Variants in POC1B observed in about 807,000 individuals in gnomAD.
POC1B encodes POC1 centriolar protein homolog B.
In POC1B, 44 loss-of-function variants were observed where a neutral mutation model predicts 60.6. The ratio of observed to expected loss-of-function variants is 0.73; its 90% confidence interval spans 0.57 to 0.93. POC1B has a LOEUF of 0.93. POC1B is among the 40% of genes least tolerant of loss of function. POC1B has a pLI of 0.00. For missense variants in POC1B, 555 were observed against 572.3 expected, an observed-to-expected ratio of 0.97 and a Z score of 0.31; for synonymous variants, 180 against 198.9, an observed-to-expected ratio of 0.90 and a Z score of 0.80.
chr12:89,519,773 T>C (rs902557021), intron 2 of POC1B: 1 of 149,312 alleles, frequency 6.7e-6, no homozygotes, highest in Non-Finnish European at 1.5e-5. Context: ...ACAAGTTATT[T>C]TGAGTTATAG....
intron 10 of POC1B, among the ~76,000 whole-genome samples, chr12:89,437,829 C>T (rs1355519071): frequency 1.3e-5 from 2 of 150,670 alleles, no homozygotes; most frequent in African/African-American, 4.9e-5. Flanking sequence ...GGGTGGATCA[C>T]CTGAGGTCAG....
At chr12:89,523,742 T>C in intron 2 of POC1B, 2 of 1,544,032 alleles carry the variant, frequency 1.3e-6, no homozygotes, top group South Asian at 1.3e-5. Context: ...GGCTCCCCTA[T>C]CTGCATATAG....
At chr12:89,468,927 G>A (rs528344271) in intron 7 of POC1B, among the ~76,000 whole-genome samples, 1 of 152,118 alleles carries the variant, frequency 6.6e-6, no homozygotes, top group South Asian at 2.1e-4. Context: ...ATTCAGAGAA[G>A]TTTGAATATT....
At chr12:89,524,437 G>C (rs1234600468) in intron 2 of POC1B, 1 of 1,613,930 alleles carries the variant, frequency 6.2e-7, no homozygotes, top group African/African-American at 1.3e-5. Context: ...GGCACGGCCG[G>C]CTCCTGCGGA....
chr12:89,452,601 G>A (rs1440050129), intron 10 of POC1B, among the ~76,000 whole-genome samples: 3 of 151,898 alleles, frequency 2.0e-5, no homozygotes, highest in Non-Finnish European at 2.9e-5. Flanking sequence ...AACTTAAAGA[G>A]AAAGAAGGTC....
intron 1 of POC1B, 119 bp from the exon 2 acceptor site, chr12:89,525,323 T>TG: frequency 6.9e-7 from 1 of 1,450,756 alleles, no homozygotes; most frequent in Non-Finnish European, 9.1e-7. Flanking sequence ...GGCGGCGGCT[T>TG]GGCTGGGCGG....
intron 4 of POC1B, among the ~76,000 whole-genome samples, chr12:89,475,022 T>C (rs1028724474): frequency 2.0e-5 from 3 of 152,286 alleles, no homozygotes; most frequent in East Asian, 1.9e-4. Context: ...AGTAGGAATA[T>C]AGCTGTGAAT....
chr12:89,469,779 C>A (rs1393706823), intron 7 of POC1B, among the ~76,000 whole-genome samples: 1 of 152,152 alleles, frequency 6.6e-6, no homozygotes, highest in Non-Finnish European at 1.5e-5. Context: ...ATACAACATA[C>A]TGATAAAGAC....
chr12:89,413,084 A>T, the POC1B span, among the ~76,000 whole-genome samples: 1 of 152,146 alleles, frequency 6.6e-6, no homozygotes, highest in Non-Finnish European at 1.5e-5. Context: ...CTTTTAGTAG[A>T]GACCTGGTTT....
At chr12:89,477,692 T>G (rs972774099) in intron 4 of POC1B, among the ~76,000 whole-genome samples, 2 of 152,174 alleles carry the variant, frequency 1.3e-5, no homozygotes, top group Admixed American at 6.5e-5. Context: ...CCCTGTTGTC[T>G]TCCACTCTCC....
chr12:89,497,085 C>G, intron 3 of POC1B, 86 bp downstream of exon 3: 6 of 1,353,766 alleles, frequency 4.4e-6, no homozygotes, highest in Non-Finnish European at 6.2e-6. Context: ...ACAGTGCAGG[C>G]AGCAGTGCAT....
chr12:89,425,304 T>C lies in POC1B; in HGVS notation c.1189A>G (p.Met397Val). Residue 397 changes from methionine to valine, a missense_variant, in exon 11 of 12, where the codon ATG (methionine) becomes GTG (valine). Met to Val is a conservative substitution (Grantham distance 21, BLOSUM62 1). Transcript: ENST00000313546. The part of the protein sequence containing the change: ...ACGYFLNPSL[M>V]SPECLPTTTK... ...GTTGTTGGCAAACATTCTGGTGACA[T>C]TAAGGAAGGGTTCAAGAAATATCCA... 4 of 1,614,138 alleles carry C rather than the reference T, an allele frequency of 2.5e-6. No individual in the cohort carries two copies. Among genetic ancestry groups the C allele is most frequent in the Non-Finnish European group, 3.4e-6 (4 of 1,180,014 alleles).
chr12:89,435,612 T>C (rs1266490659), intron 10 of POC1B, among the ~76,000 whole-genome samples: 1 of 152,210 alleles, frequency 6.6e-6, no homozygotes, highest in East Asian at 1.9e-4. Context: ...TGTAAAATCA[T>C]GTAGGTGTTT....
At chr12:89,431,795 C>T (rs1881041017) in intron 10 of POC1B, among the ~76,000 whole-genome samples, 3 of 152,320 alleles carry the variant, frequency 2.0e-5, no homozygotes, top group South Asian at 2.1e-4. Flanking sequence ...TTTAAAACAA[C>T]ATAGATTTAT....
chr12:89,436,937 C>A (rs189033080), intron 10 of POC1B, among the ~76,000 whole-genome samples: 5 of 152,276 alleles, frequency 3.3e-5, no homozygotes, highest in Non-Finnish European at 5.9e-5. Context: ...ATGCTCCACA[C>A]CCAACTCCTG....
At chr12:89,410,346 A>G in the POC1B span, among the ~76,000 whole-genome samples, 32 of 152,184 alleles carry the variant, frequency 2.1e-4, no homozygotes, top group Non-Finnish European at 4.4e-5. Context: ...CACAGCCAAT[A>G]TCATACCAAA....
chr12:89,433,788 C>T (rs139517499), intron 10 of POC1B, among the ~76,000 whole-genome samples: 86 of 152,300 alleles, frequency 5.6e-4, no homozygotes, highest in Admixed American at 2.2e-3. Flanking sequence ...AAGAGGATGG[C>T]TGCCTTTCAG....
At chr12:89,521,462 A>G (rs2135774721) in intron 2 of POC1B, 1 of 152,362 alleles carries the variant, frequency 6.6e-6, no homozygotes, top group East Asian at 1.9e-4. Context: ...TGGACTGAAC[A>G]TTGCTCAACT....
chr12:89,473,106 T>G (rs1882965983), intron 4 of POC1B, among the ~76,000 whole-genome samples: 1 of 152,176 alleles, frequency 6.6e-6, no homozygotes, highest in African/African-American at 2.4e-5. Flanking sequence ...ATTAATATTT[T>G]CACAGTAACA....
Sources: allele counts gnomAD v4.1 joint callset (sites outside exome capture counted in the v4.1 genomes callset), GRCh38; gene constraint gnomAD v4.1.1; transcripts MANE v1.5; gene names NCBI Gene and HGNC (gene_info 2026-07-23, HGNC 2026-07-21).